NRG1: variants seen among roughly 807,000 people sequenced by gnomAD.
NRG1 encodes the protein neuregulin 1.
A neutral mutation model predicts 63.8 loss-of-function variants in NRG1; 18 were observed. The observed-to-expected ratio is 0.28, with a 90% CI of 0.19 to 0.42. The LOEUF is 0.42. NRG1 is among the 10% of genes least tolerant of loss of function. The probability of loss-of-function intolerance (pLI) is 1.00; values close to 1 mark genes in which losing one functional copy is unlikely to be tolerated. For missense variants in NRG1, 762 were observed against 814.7 expected, an observed-to-expected ratio of 0.94 and a Z score of 0.79; for synonymous variants, 302 against 301.3, an observed-to-expected ratio of 1.00 and a Z score of -0.02.
chr8:32,195,902 A>C (rs1398139242), intron 1 of NRG1, among the ~76,000 whole-genome samples: 2 of 152,142 alleles, frequency 1.3e-5, no homozygotes, highest in African/African-American at 4.8e-5. Context: ...TCCTGGAATG[A>C]CTCAGTGATA....
chr8:32,535,425 G>T (rs574242988), intron 1 of NRG1, among the ~76,000 whole-genome samples: 1 of 152,132 alleles, frequency 6.6e-6, no homozygotes, highest in Admixed American at 6.5e-5. Context: ...TTCATGATTG[G>T]TGTTTTATCT....
chr8:31,888,483 G>A (rs752527493), intron 1 of NRG1, among the ~76,000 whole-genome samples: 3 of 152,012 alleles, frequency 2.0e-5, no homozygotes, highest in East Asian at 1.9e-4. Context: ...TTCTGAGAGA[G>A]CAGTGATGCA....
intron 1 of NRG1, among the ~76,000 whole-genome samples, chr8:31,990,269 A>C (rs1810829931): frequency 6.6e-6 from 1 of 152,210 alleles, no homozygotes; most frequent in Non-Finnish European, 1.5e-5. Context: ...CAACAAGCTA[A>C]GTTGCATTTG....
At chr8:32,021,296 G>T (rs140046766) in intron 1 of NRG1, among the ~76,000 whole-genome samples, 94 of 98,168 alleles carry the variant, frequency 9.6e-4, no homozygotes, top group African/African-American at 2.1e-3. Flanking sequence ...TTCTGGCAGG[G>T]GCTTTTATTC....
chr8:32,464,483 CA>C (rs1822806588), intron 1 of NRG1, among the ~76,000 whole-genome samples: 2 of 152,080 alleles, frequency 1.3e-5, no homozygotes, highest in African/African-American at 4.8e-5. Flanking sequence ...AGTCCTTGTC[CA>C]AATCCCAGAG....
chr8:31,966,251 T>A (rs109767), intron 1 of NRG1, among the ~76,000 whole-genome samples: 1 of 151,704 alleles, frequency 6.6e-6, no homozygotes, highest in Non-Finnish European at 1.5e-5. Flanking sequence ...GCAACACCTA[T>A]ATCTTACCAT....
chr8:31,860,952 G>A (rs1458636583), intron 1 of NRG1, among the ~76,000 whole-genome samples: 1 of 152,164 alleles, frequency 6.6e-6, no homozygotes, highest in Non-Finnish European at 1.5e-5. Context: ...TTAGAAAGCC[G>A]AGATTCAGAG....
chr8:32,647,511 TTATTA>T (rs1853873816), intron 5 of NRG1: 1 of 985,258 alleles, frequency 1.0e-6, no homozygotes, highest in Non-Finnish European at 1.2e-6. Flanking sequence ...GCTTAAAGAA[TTATTA>T]CGATATACTT....
chr8:32,068,030 C>G (rs879103293), intron 1 of NRG1, among the ~76,000 whole-genome samples: 5 of 152,168 alleles, frequency 3.3e-5, no homozygotes, highest in African/African-American at 1.2e-4. Context: ...CTTGAATTGT[C>G]ATGAAACACT....
chr8:32,048,434 CATATATACAT>C (rs1240877115), intron 1 of NRG1, among the ~76,000 whole-genome samples: 4 of 73,078 alleles, frequency 5.5e-5, no homozygotes, highest in African/African-American at 2.1e-4. Flanking sequence ...CATATGTACA[CATATATACAT>C]ACATATATAT....
At chr8:31,851,629 T>A (rs1827230610) in intron 1 of NRG1, among the ~76,000 whole-genome samples, 1 of 152,072 alleles carries the variant, frequency 6.6e-6, no homozygotes, top group African/African-American at 2.4e-5. Flanking sequence ...TTATTATACT[T>A]TAAGTTTTAG....
intron 1 of NRG1, among the ~76,000 whole-genome samples, chr8:32,013,181 C>T (rs1479896862): frequency 6.6e-6 from 1 of 151,954 alleles, no homozygotes; most frequent in Non-Finnish European, 1.5e-5. Flanking sequence ...GTAGGTCATC[C>T]CTTCTGTTCT....
chr8:31,840,349 C>CTTTTTTTTTTTTT (rs71992716), intron 1 of NRG1, among the ~76,000 whole-genome samples: 4 of 116,852 alleles, frequency 3.4e-5, no homozygotes, highest in Middle Eastern at 5.0e-3. Flanking sequence ...TATTCTCTGT[C>CTTTTTTTTTTTTT]TTTTTTTTTT....
chr8:31,882,317 C>T (rs1158931146), intron 1 of NRG1, among the ~76,000 whole-genome samples: 1 of 120,952 alleles, frequency 8.3e-6, no homozygotes, highest in Non-Finnish European at 1.6e-5. Flanking sequence ...TTGAGACTTA[C>T]TGCTCAAAAA....
At chr8:32,709,016 A>G (rs932636763) in intron 5 of NRG1, among the ~76,000 whole-genome samples, 1 of 152,180 alleles carries the variant, frequency 6.6e-6, no homozygotes, top group Non-Finnish European at 1.5e-5. Context: ...TCTTTTTATT[A>G]TGGAAGAAAA....
intron 1 of NRG1, among the ~76,000 whole-genome samples, chr8:32,330,434 G>A (rs1802511494): frequency 6.6e-6 from 1 of 152,200 alleles, no homozygotes; most frequent in South Asian, 2.1e-4. Context: ...TAGTGCAGTA[G>A]GTTTATTGGG....
At chr8:31,819,515 C>T (rs912751366) in intron 1 of NRG1, among the ~76,000 whole-genome samples, 6 of 152,062 alleles carry the variant, frequency 3.9e-5, no homozygotes, top group African/African-American at 1.4e-4. Context: ...TCCTTTCCTT[C>T]GAATAAAATA....
At chr8:32,203,612 T>G (rs1370524150) in intron 1 of NRG1, among the ~76,000 whole-genome samples, 1 of 152,124 alleles carries the variant, frequency 6.6e-6, no homozygotes, top group African/African-American at 2.4e-5. Context: ...TCCACCTTCC[T>G]TGTCTTCCCA....
chr8:32,352,906 T>C (rs971954530), intron 1 of NRG1, among the ~76,000 whole-genome samples: 2 of 118,600 alleles, frequency 1.7e-5, no homozygotes. Flanking sequence ...TATACATATA[T>C]ATATATATAG....
Sources: gnomAD v4.1 joint callset for allele counts (sites outside exome capture counted in the v4.1 genomes callset) on GRCh38, gnomAD v4.1.1 for gene constraint, MANE v1.5 for transcripts, NCBI Gene and HGNC (gene_info 2026-07-23, HGNC 2026-07-21) for gene names.